The following ZNF284 variants were observed in gnomAD, a reference collection of about 807,000 sequenced individuals.
The protein encoded by ZNF284 is zinc finger protein 284.
In ZNF284, 12 loss-of-function variants were observed where a neutral mutation model predicts 12.9. The ratio of observed to expected loss-of-function variants is 0.93; its 90% CI spans 0.60 to 1.51. The LOEUF (loss-of-function observed/expected upper bound fraction) is 1.51, where lower values mean the gene tolerates loss of function less well. ZNF284 is among the 40% of genes most tolerant of loss of function. The pLI is 0.00. For missense variants in ZNF284, 667 were observed against 707.3 expected (o/e 0.94, Z 0.65); for synonymous variants, 225 against 236.5 (o/e 0.95, Z 0.45).
At chr19:44,073,730 A>T (rs1483520002) in intron 1 of ZNF284, among the ~76,000 whole-genome samples, 3 of 151,870 alleles carry the variant, frequency 2.0e-5, no homozygotes, top group African/African-American at 7.3e-5. Flanking sequence ...TTGTAGTTTT[A>T]GTAGAGATGA....
Position 44,086,761 on chromosome 19 carries a change from A to C in ZNF284, c.1283A>C (p.Lys428Thr), listed in dbSNP as rs1967259132. The C allele has an allele frequency of 6.2e-7, 1 of 1,614,116 alleles. No individual in the cohort carries two copies. Among genetic ancestry groups the C allele is most frequent in the African/African-American group, 1.3e-5 (1 of 74,994 alleles). The change falls in exon 5 of 5, where the codon AAA becomes ACA. Residue 428 changes from lysine (K) to threonine (T), a missense_variant. Coordinates refer to ENST00000421176, the MANE Select transcript of ZNF284 (RefSeq NM_001037813.4). The stretch of plus-strand genomic sequence containing the variant: ...GCCTATAGAGAAGAAGAACTGTATA[A>C]ATGTCAGAAGTGTGGGAAGGGCTAC... Reference protein sequence around the residue: ...QRAYREEELYKCQKCGKGYIS... With the variant: ...QRAYREEELYTCQKCGKGYIS...
At chr19:44,074,092 G>A (rs1028816882) in intron 1 of ZNF284, among the ~76,000 whole-genome samples, 1 of 151,160 alleles carries the variant, frequency 6.6e-6, no homozygotes, top group Non-Finnish European at 1.5e-5. Context: ...GGTGGCTCAC[G>A]CCTGTAATCC....
intron 4 of ZNF284, 133 bp downstream of exon 4, chr19:44,082,238 T>C: frequency 1.5e-6 from 1 of 651,506 alleles, no homozygotes; most frequent in Non-Finnish European, 2.6e-6. Context: ...TTCCTGCTGG[T>C]TGTCCTGCTC....
At chr19:44,080,624 G>C (rs1967106269) in intron 2 of ZNF284, among the ~76,000 whole-genome samples, 1 of 152,116 alleles carries the variant, frequency 6.6e-6, no homozygotes, top group Admixed American at 6.5e-5. Flanking sequence ...ATTACATCCA[G>C]GGTTCAAGTA....
At chr19:44,078,864 C>G (rs879703176) in intron 2 of ZNF284, among the ~76,000 whole-genome samples, 8 of 152,104 alleles carry the variant, frequency 5.3e-5, no homozygotes, top group Non-Finnish European at 7.3e-5. Flanking sequence ...AATCTTGGCT[C>G]ACTACAACCT....
At chr19:44,081,691 G>A (rs11882151) in intron 3 of ZNF284, among the ~76,000 whole-genome samples, 2 of 151,690 alleles carry the variant, frequency 1.3e-5, no homozygotes, top group Admixed American at 6.6e-5. Flanking sequence ...CAGCCTGGGC[G>A]ACAGAGCGAG....
rs1431091639 is a variant in ZNF284 at position 44,082,053 on chromosome 19, A to T, written c.183A>T (p.Arg61Ser). ...ACCGAGATACTTTTCACTTCCAAAG[A>T]GAAGAAAAGTTTTGGATCATGGAGA... ...LSHRDTFHFQ[R>S]EEKFWIMETA... is the part of the protein sequence containing the mutation. Residue 61 changes from arginine (R) to serine (S), a missense_variant, in exon 4 of 5, where the codon AGA becomes AGT. Physicochemically the swap from Arg to Ser is moderately radical, Grantham distance 110 (BLOSUM62 -1). Transcript: ENST00000421176. 9 of 1,613,898 alleles carry T rather than the reference A, an allele frequency of 5.6e-6. No homozygotes were observed. In the South Asian group the frequency reaches 9.9e-5, roughly 18 times the overall value.
intron 4 of ZNF284, among the ~76,000 whole-genome samples, chr19:44,083,621 T>A (rs958250088): frequency 1.3e-5 from 2 of 151,576 alleles, no homozygotes; most frequent in Non-Finnish European, 2.9e-5. Context: ...GGAGGACTTT[T>A]AGCTGTTCAA....
At chr19:44,079,479 G>T (rs1445763757) in intron 2 of ZNF284, among the ~76,000 whole-genome samples, 1 of 152,106 alleles carries the variant, frequency 6.6e-6, no homozygotes, top group South Asian at 2.1e-4. Flanking sequence ...GGAGGCCAAG[G>T]CAGGCGGATC....
chr19:44,084,907 T>C (rs1967204069), intron 4 of ZNF284, among the ~76,000 whole-genome samples: 1 of 152,078 alleles, frequency 6.6e-6, no homozygotes, highest in Non-Finnish European at 1.5e-5. Context: ...CTGAGTGCCA[T>C]TGCATGGACT....
chr19:44,074,872 C>T (rs1043740807), intron 1 of ZNF284, among the ~76,000 whole-genome samples: 2 of 151,852 alleles, frequency 1.3e-5, no homozygotes, highest in African/African-American at 2.4e-5. Context: ...AGGGGGCGTG[C>T]GCCTGTAATC....
intron 2 of ZNF284, among the ~76,000 whole-genome samples, chr19:44,080,625 G>A (rs921445031): frequency 6.6e-6 from 1 of 152,050 alleles, no homozygotes; most frequent in African/African-American, 2.4e-5. Context: ...TTACATCCAG[G>A]GTTCAAGTAC....
chr19:44,074,381 T>A (rs576028317), intron 1 of ZNF284, among the ~76,000 whole-genome samples: 21 of 150,706 alleles, frequency 1.4e-4, no homozygotes, highest in African/African-American at 3.2e-4. Flanking sequence ...AAAAAAAAAA[T>A]ATTTAACGTT....
At chr19:44,082,597 A>G (rs1967146412) in intron 4 of ZNF284, among the ~76,000 whole-genome samples, 1 of 152,172 alleles carries the variant, frequency 6.6e-6, no homozygotes, top group South Asian at 2.1e-4. Context: ...AGTCTGACAC[A>G]TCTCACTGGA....
chr19:44,087,027 G>T lies in ZNF284; in HGVS notation c.1549G>T (p.Gly517Ter). 1.2e-6 allele frequency: 2 copies of T among 1,614,150 alleles called. No homozygotes were observed. Among genetic ancestry groups the T allele is most frequent in the Admixed American group, 1.7e-5 (1 of 60,016 alleles). Reference protein sequence around the residue: ...GEKPYKCEECGKGFRWASTHL... With the variant: ...GEKPYKCEEC The stretch of plus-strand genomic sequence containing the variant: ...AAAGCCTTACAAATGTGAGGAGTGT[G>T]GAAAGGGATTCAGATGGGCCTCAAC... Residue 517 changes from glycine to a stop codon, truncating the protein, a stop_gained, in exon 5 of 5, where the codon GGA becomes TGA. Coordinates refer to ENST00000421176, the MANE Select transcript of ZNF284 (RefSeq NM_001037813.4). LOFTEE classifies it low-confidence loss of function (END_TRUNC).
intron 2 of ZNF284, among the ~76,000 whole-genome samples, chr19:44,077,118 C>T (rs1053134043): frequency 2.0e-5 from 3 of 152,126 alleles, no homozygotes; most frequent in African/African-American, 4.8e-5. Flanking sequence ...CTGCACCTGC[C>T]GATGTTTCTT....
At chr19:44,082,556 A>G (rs139871734) in intron 4 of ZNF284, among the ~76,000 whole-genome samples, 1 of 152,340 alleles carries the variant, frequency 6.6e-6, no homozygotes, top group African/African-American at 2.4e-5. Flanking sequence ...ATTAAACAAC[A>G]AACAATTATC....
chr19:44,078,471 C>T (rs1967068583), intron 2 of ZNF284, among the ~76,000 whole-genome samples: 1 of 152,046 alleles, frequency 6.6e-6, no homozygotes, highest in Non-Finnish European at 1.5e-5. Context: ...ATAGTTTATT[C>T]TTATTCTTTA....
Position 44,086,337 on chromosome 19 carries a change from T to C in ZNF284, c.859T>C (p.Phe287Leu). 6.2e-7 allele frequency: 1 copy of C among 1,614,182 alleles called. No homozygotes were observed. The highest frequency in any genetic ancestry group is 8.5e-7 in the Non-Finnish European group (1 of 1,180,020). The stretch of plus-strand genomic sequence containing the variant: ...AAGAATCCATACTGGGGAGAAGCCA[T>C]TCAAATGTTATATATGTGGTAAGAG... The part of the protein sequence containing the change: ...HQRIHTGEKP[F>L]KCYICGKSFH... The change falls in exon 5 of 5, where the codon TTC (phenylalanine) becomes CTC (leucine). Residue 287 changes from phenylalanine to leucine, a missense_variant. Physicochemically the swap from Phe to Leu is conservative, Grantham distance 22. Transcript: ENST00000421176.
Sources: gnomAD v4.1 joint callset for allele counts (sites outside exome capture counted in the v4.1 genomes callset) on GRCh38, gnomAD v4.1.1 for gene constraint, MANE v1.5 for transcripts, NCBI Gene and HGNC (gene_info 2026-07-23, HGNC 2026-07-21) for gene names.